Variants in COG6 observed in about 807,000 individuals in gnomAD.
COG6 encodes conserved oligomeric Golgi complex subunit 6.
Under a neutral mutation model 88.8 loss-of-function variants are expected in COG6, and 74 were observed. The ratio of observed to expected loss-of-function variants is 0.83; its 90% confidence interval spans 0.69 to 1.01. COG6 has a LOEUF of 1.01. Ranked by LOEUF, COG6 falls within the 50% of genes least tolerant of loss-of-function variation. The pLI is 0.00. For synonymous variants in COG6, 286 were observed against 278.7 expected (o/e 1.03, Z -0.26); for missense variants, 800 against 797.9 (o/e 1.00, Z -0.03).
At chr13:39,690,779 C>T (rs561654633) in intron 11 of COG6, among the ~76,000 whole-genome samples, 104 of 151,856 alleles carry the variant, frequency 6.8e-4, no homozygotes, top group African/African-American at 2.4e-3. Context: ...CTCATAGGAC[C>T]TAACTGTATA....
chr13:39,699,637 A>C lies in COG6; in HGVS notation c.1284+19A>C. On this transcript the variant is annotated intron_variant, in intron 13 of 18. Coordinates refer to ENST00000455146, the MANE Select transcript of COG6 (RefSeq NM_020751.3). The stretch of plus-strand genomic sequence containing the variant: ...GGACAAGGTATGTTTGAAAAATGTA[A>C]TTATTAAATTATGTGAATGTTTCAC... 9.7e-7 allele frequency: 1 copy of C among 1,026,976 alleles called. No homozygotes were observed. The highest frequency in any genetic ancestry group is 1.7e-5 in the Admixed American group (1 of 58,688). 63.6% of individuals were successfully genotyped at this position (1,026,976 alleles called of 1,614,324 possible).
intron 18 of COG6, among the ~76,000 whole-genome samples, chr13:39,777,784 T>A (rs1881507933): frequency 6.6e-6 from 1 of 152,162 alleles, no homozygotes; most frequent in Non-Finnish European, 1.5e-5. Context: ...ATTTCCTTGA[T>A]ACTGAAAAAA....
chr13:39,670,639 AG>A (rs1231125536), intron 4 of COG6, among the ~76,000 whole-genome samples: 4 of 152,134 alleles, frequency 2.6e-5, no homozygotes, highest in African/African-American at 9.6e-5. Flanking sequence ...CATACATTAA[AG>A]ACTGTTGCCC....
exon 19 of COG6, chr13:39,788,340 C>T: frequency 1.3e-6 from 2 of 1,551,816 alleles, no homozygotes; most frequent in East Asian, 2.4e-5. Context: ...CACAGGCGTC[C>T]ACCCAACGGC....
intron 10 of COG6, 41 bp from the exon 11 acceptor site, chr13:39,689,716 TATA>T: frequency 1.4e-6 from 2 of 1,380,354 alleles, no homozygotes; most frequent in South Asian, 1.2e-5. Context: ...TGAAGCAAAG[TATA>T]ATATGGAAAC....
intron 18 of COG6, among the ~76,000 whole-genome samples, chr13:39,744,751 C>A (rs903057181): frequency 6.6e-6 from 1 of 152,170 alleles, no homozygotes; most frequent in African/African-American, 2.4e-5. Flanking sequence ...AAAAAAACTA[C>A]TTTAAAGTTC....
chr13:39,734,851 T>C (rs1879649509), intron 18 of COG6, among the ~76,000 whole-genome samples: 1 of 152,226 alleles, frequency 6.6e-6, no homozygotes, highest in African/African-American at 2.4e-5. Context: ...CATTATATAC[T>C]GAACTTGTTT....
intron 4 of COG6, among the ~76,000 whole-genome samples, chr13:39,666,466 A>G (rs896384220): frequency 1.3e-5 from 2 of 152,176 alleles, no homozygotes; most frequent in Non-Finnish European, 2.9e-5. Context: ...TTTCAGTTTC[A>G]GTAATGGTTT....
chr13:39,788,226 T>A (rs1269688834), intron 18 of COG6: 1 of 1,131,962 alleles, frequency 8.8e-7, no homozygotes, highest in Non-Finnish European at 1.3e-6. Context: ...TGGTCCTGGA[T>A]GAATATTTAT....
At chr13:39,706,992 C>T (rs1040601364) in intron 13 of COG6, among the ~76,000 whole-genome samples, 1 of 151,756 alleles carries the variant, frequency 6.6e-6, no homozygotes, top group Non-Finnish European at 1.5e-5. Flanking sequence ...CCTTTAAATG[C>T]TTTTAAATGT....
At chr13:39,694,554 G>A (rs1298097223) in intron 11 of COG6, 80 bp from the exon 12 acceptor site, 10 of 826,530 alleles carry the variant, frequency 1.2e-5, no homozygotes, top group Non-Finnish European at 2.0e-5. Flanking sequence ...TCTTTGTTAT[G>A]CTATTCATAC....
At position 39,699,570 on chromosome 13, in the gene COG6, A is replaced by G. The variant is rs764254797; in HGVS notation, c.1236A>G (p.Lys412=). Residue 412 remains lysine (K), a synonymous_variant, in exon 13 of 19, where the codon AAA becomes AAG. Transcript: ENST00000455146. ...TIEEMHLLSK[K]IFFNSLSLHA... ...AAGAAATGCATTTGCTAAGCAAAAA[A>G]ATATTCTTCAATAGCTTGAGTCTTC... 7 of 1,580,902 alleles carry G rather than the reference A, an allele frequency of 4.4e-6. No homozygotes were observed. The highest frequency in any genetic ancestry group is 1.3e-5 in the African/African-American group (1 of 74,330).
chr13:39,732,253 A>T (rs1879492377), intron 18 of COG6, among the ~76,000 whole-genome samples: 1 of 152,230 alleles, frequency 6.6e-6, no homozygotes, highest in East Asian at 1.9e-4. Flanking sequence ...AATTAAGCTT[A>T]AAATCAAGCC....
chr13:39,701,029 GTT>G (rs1374328996), intron 13 of COG6, among the ~76,000 whole-genome samples: 1 of 151,860 alleles, frequency 6.6e-6, no homozygotes, highest in Admixed American at 6.6e-5. Context: ...AAAGTGATGT[GTT>G]TTATATATAT....
At chr13:39,722,653 C>T (rs1023240604) in intron 15 of COG6, among the ~76,000 whole-genome samples, 1 of 151,508 alleles carries the variant, frequency 6.6e-6, no homozygotes, top group African/African-American at 2.4e-5. Flanking sequence ...TTTTTTCTCA[C>T]CAGGGAATGT....
rs1018064930 is a variant in COG6, at chr13:39,679,349, T to C, written c.541-189T>C. On this transcript the variant is annotated intron_variant, in intron 5 of 18. Coordinates refer to ENST00000455146, the MANE Select transcript of COG6 (RefSeq NM_020751.3). The stretch of plus-strand genomic sequence containing the variant: ...AGTAGAAACTGAATTAATATATTAA[T>C]ATGTCTTAAAATGTGAATAAATACC... 26 of 588,560 alleles carry C rather than the reference T, an allele frequency of 4.4e-5. No individual in the cohort carries two copies. In the Middle Eastern group the frequency reaches 2.7e-3, roughly 62 times the overall value. 36.5% of individuals were successfully genotyped at this position (588,560 alleles called of 1,614,324 possible).
chr13:39,709,629 C>T (rs1878129191), intron 13 of COG6, among the ~76,000 whole-genome samples: 1 of 151,984 alleles, frequency 6.6e-6, no homozygotes, highest in African/African-American at 2.4e-5. Flanking sequence ...TTTTTCATGG[C>T]TGAATAGTAT....
In COG6 at chr13:39,699,766, G is replaced by A. The variant is rs1877472864; in HGVS notation, c.1284+148G>A. 1.1e-5 allele frequency: 7 copies of A among 622,484 alleles called. No individual in the cohort carries two copies. The South Asian group carries it at 1.1e-4, about 10-fold the overall frequency. The allele number at this position is 622,484 out of a possible 1,614,324, so 38.6% of individuals were successfully genotyped here. A position where few individuals can be genotyped will look rare whatever the true frequency, so the allele number is the denominator to read the frequency against. ...TCACCAACAACTTTCATTTTGAGAT[G>A]GCTTACTGGACCTAAGTTGATAGTC... On this transcript the variant is annotated intron_variant, in intron 13 of 18. Coordinates refer to ENST00000455146, the MANE Select transcript of COG6 (RefSeq NM_020751.3).
At chr13:39,679,703 T>C in intron 6 of COG6, 83 bp downstream of exon 6, 1 of 857,032 alleles carries the variant, frequency 1.2e-6, no homozygotes, top group South Asian at 1.4e-5. Context: ...TTGTGAACTA[T>C]ATAGCATTTT....
Sources: gnomAD v4.1 joint callset for allele counts (sites outside exome capture counted in the v4.1 genomes callset) on GRCh38, gnomAD v4.1.1 for gene constraint, MANE v1.5 for transcripts, NCBI Gene and HGNC (gene_info 2026-07-23, HGNC 2026-07-21) for gene names.